CHST11: variants seen among roughly 807,000 people sequenced by gnomAD.
CHST11 encodes the protein carbohydrate sulfotransferase 11, also known as C4S-1.
Under a neutral mutation model 30.4 loss-of-function variants are expected in CHST11, and 9 were observed. The observed-to-expected ratio is 0.30, with a 90% CI of 0.18 to 0.52. The LOEUF (loss-of-function observed/expected upper bound fraction) is 0.52, where lower values mean the gene tolerates loss of function less well. Ranked by LOEUF, CHST11 falls within the 20% of genes least tolerant of loss-of-function variation. The pLI is 0.97. For synonymous variants in CHST11, 152 were observed against 187.8 expected (o/e 0.81, Z 1.56); for missense variants, 348 against 460.6 (o/e 0.76, Z 2.24).
At chr12:104,716,405 G>A (rs1407582318) in intron 2 of CHST11, among the ~76,000 whole-genome samples, 1 of 152,260 alleles carries the variant, frequency 6.6e-6, no homozygotes, top group Non-Finnish European at 1.5e-5. Context: ...TTCCTCATCT[G>A]TGAAATGGGG....
At chr12:104,570,693 C>CTTTTTTT (rs55750051) in intron 1 of CHST11, among the ~76,000 whole-genome samples, 1 of 141,378 alleles carries the variant, frequency 7.1e-6, no homozygotes. Context: ...AGCCACTGCA[C>CTTTTTTT]TTTTTTTTTT....
intron 2 of CHST11, among the ~76,000 whole-genome samples, chr12:104,724,530 G>T (rs1368885867): frequency 3.3e-5 from 5 of 152,000 alleles, no homozygotes; most frequent in African/African-American, 1.2e-4. Flanking sequence ...GCTACCTAGG[G>T]AGCTCTTGCC....
chr12:104,605,593 TAAAAAAA>T (rs891339180), intron 2 of CHST11, among the ~76,000 whole-genome samples: 7 of 151,860 alleles, frequency 4.6e-5, no homozygotes, highest in South Asian at 2.1e-4. Context: ...AAATAAAAAA[TAAAAAAA>T]AAAGTTTGGA....
intron 2 of CHST11, among the ~76,000 whole-genome samples, chr12:104,718,047 C>T (rs1232694635): frequency 2.0e-5 from 3 of 152,234 alleles, no homozygotes; most frequent in Non-Finnish European, 2.9e-5. Context: ...GCCCCTCCCA[C>T]GTGCCAGCGT....
chr12:104,637,741 C>G (rs1222316375), intron 2 of CHST11, among the ~76,000 whole-genome samples: 1 of 152,162 alleles, frequency 6.6e-6, no homozygotes, highest in African/African-American at 2.4e-5. Context: ...ATCTGCTGTC[C>G]CCTTTGAGTG....
At chr12:104,653,325 C>T (rs1376854734) in intron 2 of CHST11, among the ~76,000 whole-genome samples, 1 of 152,232 alleles carries the variant, frequency 6.6e-6, no homozygotes, top group African/African-American at 2.4e-5. Context: ...GTAGGATTTC[C>T]GTCTTTGTAA....
chr12:104,507,545 T>C (rs1380613509), intron 1 of CHST11, among the ~76,000 whole-genome samples: 1 of 152,202 alleles, frequency 6.6e-6, no homozygotes, highest in Non-Finnish European at 1.5e-5. Context: ...ATAGTACTCA[T>C]CAGTTATTGC....
chr12:104,539,163 C>T (rs1379074107), intron 1 of CHST11, among the ~76,000 whole-genome samples: 1 of 152,198 alleles, frequency 6.6e-6, no homozygotes, highest in African/African-American at 2.4e-5. Context: ...TAACGCGACT[C>T]TTCACTTTTT....
intron 2 of CHST11, among the ~76,000 whole-genome samples, chr12:104,749,592 A>G (rs949894282): frequency 2.6e-5 from 4 of 152,210 alleles, no homozygotes; most frequent in African/African-American, 9.6e-5. Flanking sequence ...AAATTTGGGC[A>G]TTCTCTTTTA....
At chr12:104,751,123 A>G (rs1350863529) in intron 2 of CHST11, among the ~76,000 whole-genome samples, 1 of 152,242 alleles carries the variant, frequency 6.6e-6, no homozygotes, top group Non-Finnish European at 1.5e-5. Flanking sequence ...AACTGAATGT[A>G]AAATGATATG....
At chr12:104,635,179 G>A (rs920516568) in intron 2 of CHST11, among the ~76,000 whole-genome samples, 1 of 152,056 alleles carries the variant, frequency 6.6e-6, no homozygotes, top group African/African-American at 2.4e-5. Context: ...GTGACCCCAG[G>A]TAACCCACGA....
intron 1 of CHST11, among the ~76,000 whole-genome samples, chr12:104,465,097 A>G (rs1054448824): frequency 6.6e-6 from 1 of 152,194 alleles, no homozygotes; most frequent in Non-Finnish European, 1.5e-5. Context: ...TTCTGAGGCC[A>G]CCTCTGTAAA....
chr12:104,563,264 C>G (rs1486377612), intron 1 of CHST11, among the ~76,000 whole-genome samples: 1 of 152,188 alleles, frequency 6.6e-6, no homozygotes, highest in Non-Finnish European at 1.5e-5. Flanking sequence ...TCTCGAACTC[C>G]TGACCTCAAG....
chr12:104,592,469 G>A (rs181242796), intron 1 of CHST11, among the ~76,000 whole-genome samples: 164 of 152,112 alleles, frequency 1.1e-3, no homozygotes, highest in African/African-American at 3.7e-3. Context: ...TTTTTGGGAC[G>A]TCTTTTATAA....
At chr12:104,488,633 G>GTGCGTGTGTA (rs1241230384) in intron 1 of CHST11, among the ~76,000 whole-genome samples, 1 of 141,754 alleles carries the variant, frequency 7.1e-6, no homozygotes, top group Non-Finnish European at 1.6e-5. Flanking sequence ...ATGTATGTGT[G>GTGCGTGTGTA]TGTGCGTGTG....
intron 1 of CHST11, among the ~76,000 whole-genome samples, chr12:104,565,033 A>G (rs1175160777): frequency 6.6e-6 from 1 of 152,100 alleles, no homozygotes; most frequent in African/African-American, 2.4e-5. Flanking sequence ...GGGAGCTACA[A>G]TTCAAGATGA....
chr12:104,645,138 G>A (rs1472568902), intron 2 of CHST11, among the ~76,000 whole-genome samples: 1 of 151,974 alleles, frequency 6.6e-6, no homozygotes, highest in Non-Finnish European at 1.5e-5. Context: ...TAGTAGAGAC[G>A]GGGTTTCACC....
At chr12:104,476,568 GC>G (rs2037564878) in intron 1 of CHST11, among the ~76,000 whole-genome samples, 1 of 151,976 alleles carries the variant, frequency 6.6e-6, no homozygotes, top group Non-Finnish European at 1.5e-5. Context: ...TTAAAAAAAT[GC>G]CGTTTTTTTT....
intron 2 of CHST11, among the ~76,000 whole-genome samples, chr12:104,661,212 T>C (rs1275743041): frequency 2.0e-5 from 3 of 151,780 alleles, no homozygotes; most frequent in African/African-American, 7.3e-5. Context: ...GTCAGTGGGG[T>C]TAAATGAGAC....
Sources: allele counts gnomAD v4.1 joint callset (sites outside exome capture counted in the v4.1 genomes callset), GRCh38; gene constraint gnomAD v4.1.1; transcripts MANE v1.5; gene names NCBI Gene and HGNC (gene_info 2026-07-23, HGNC 2026-07-21).